Variants in SIMC1 observed in about 807,000 individuals in gnomAD.
SIMC1 encodes the protein SUMO-interacting motif-containing protein 1.
SIMC1 carries 55 observed loss-of-function variants against 82.3 expected under a neutral mutation model. The ratio of observed to expected loss-of-function variants is 0.67; its 90% CI spans 0.54 to 0.84. The LOEUF is 0.84. SIMC1 is among the 40% of genes least tolerant of loss of function. SIMC1 has a pLI of 0.00. For synonymous variants in SIMC1, 353 were observed against 426.3 expected, an observed-to-expected ratio of 0.83 and a Z score of 2.12; for missense variants, 915 against 1,107.2, an observed-to-expected ratio of 0.83 and a Z score of 2.46.
intron 9 of SIMC1, among the ~76,000 whole-genome samples, chr5:176,339,678 A>G (rs146260195): frequency 7.0e-4 from 106 of 152,298 alleles, no homozygotes; most frequent in Non-Finnish European, 7.2e-4. Flanking sequence ...ATTACAGAAT[A>G]TTTTTTATGT....
At chr5:176,293,370 A>G (rs1379032394) in intron 2 of SIMC1, among the ~76,000 whole-genome samples, 2 of 151,562 alleles carry the variant, frequency 1.3e-5, no homozygotes, top group Non-Finnish European at 2.9e-5. Context: ...GGGAGGCGGA[A>G]CTTGCAGTGT....
At chr5:176,339,096 G>T (rs1047978737) in intron 9 of SIMC1, among the ~76,000 whole-genome samples, 2 of 152,196 alleles carry the variant, frequency 1.3e-5, no homozygotes, top group Admixed American at 1.3e-4. Flanking sequence ...AGGCATGGTG[G>T]CTCACGCCTG....
At chr5:176,341,127 G>A (rs1766120466) in intron 9 of SIMC1, among the ~76,000 whole-genome samples, 1 of 152,144 alleles carries the variant, frequency 6.6e-6, no homozygotes, top group Non-Finnish European at 1.5e-5. Context: ...AGCCTGGGCA[G>A]CAGAGCAAGA....
chr5:176,255,566 A>C (rs917678134), intron 1 of SIMC1, among the ~76,000 whole-genome samples: 16 of 141,112 alleles, frequency 1.1e-4, no homozygotes, highest in African/African-American at 4.0e-4. Flanking sequence ...TGGGTGACAG[A>C]GTGAGACTGT....
At chr5:176,265,309 T>G (rs773224491) in intron 1 of SIMC1, among the ~76,000 whole-genome samples, 6 of 151,964 alleles carry the variant, frequency 3.9e-5, no homozygotes, top group Non-Finnish European at 7.4e-5. Flanking sequence ...TGACCGAAAC[T>G]AATTTGCCCT....
chr5:176,317,665 G>C (rs1266896150), intron 5 of SIMC1, among the ~76,000 whole-genome samples: 1 of 152,058 alleles, frequency 6.6e-6, no homozygotes, highest in Non-Finnish European at 1.5e-5. Context: ...GACTATGTGT[G>C]CTAGTCAGAA....
chr5:176,306,377 C>T (rs1764386638), intron 4 of SIMC1, among the ~76,000 whole-genome samples: 1 of 128,150 alleles, frequency 7.8e-6, no homozygotes. Context: ...AAGTGAGGAG[C>T]CCCTCTGCCC....
At chr5:176,259,977 G>A (rs538641246) in intron 1 of SIMC1, among the ~76,000 whole-genome samples, 276 of 148,822 alleles carry the variant, frequency 1.9e-3, no homozygotes, top group Middle Eastern at 7.1e-3. Flanking sequence ...TATATTATAG[G>A]CATTAAAATA....
intron 9 of SIMC1, among the ~76,000 whole-genome samples, chr5:176,342,452 A>G (rs1415621608): frequency 3.3e-5 from 5 of 152,308 alleles, no homozygotes; most frequent in African/African-American, 4.8e-5. Context: ...TAAGTATCAA[A>G]TGTAATTTTC....
intron 1 of SIMC1, among the ~76,000 whole-genome samples, chr5:176,282,091 G>A (rs1434127849): frequency 6.6e-6 from 1 of 152,382 alleles, no homozygotes; most frequent in East Asian, 1.9e-4. Context: ...CACCCAGTTG[G>A]AGCTTCCCGG....
chr5:176,329,091 A>T (rs1007010574), intron 7 of SIMC1, among the ~76,000 whole-genome samples: 8 of 152,172 alleles, frequency 5.3e-5, no homozygotes, highest in Admixed American at 5.2e-4. Flanking sequence ...ATTCAGTTCT[A>T]CCCATTCTCA....
At chr5:176,272,833 A>T (rs1226452047) in intron 1 of SIMC1, among the ~76,000 whole-genome samples, 1 of 152,218 alleles carries the variant, frequency 6.6e-6, no homozygotes, top group Non-Finnish European at 1.5e-5. Flanking sequence ...AGCCTCGTTC[A>T]TTGCTAGCAC....
chr5:176,265,667 T>C (rs1026691247), intron 1 of SIMC1, among the ~76,000 whole-genome samples: 7 of 152,268 alleles, frequency 4.6e-5, no homozygotes, highest in African/African-American at 1.7e-4. Context: ...GCCTTAGTAA[T>C]CTGTGTTTCT....
rs1166950880 is a variant in SIMC1, at chr5:176,261,441, T to A, written c.129+22804T>A. ...AAATGCTTTTTAAAATTTAAATTTT[T>A]GTTATAAAAGGTGTATGATGGCTGG... On this transcript the variant is annotated intron_variant, in intron 1 of 9. Coordinates refer to ENST00000429602, the MANE Select transcript of SIMC1 (RefSeq NM_001308195.2). Among the ~76,000 whole-genome samples, 6 of 152,316 alleles carry A rather than the reference T, an allele frequency of 3.9e-5. No homozygotes were observed. The South Asian group carries it at 6.2e-4, about 16-fold the overall frequency.
At chr5:176,296,643 T>TG (rs1427138195) in intron 4 of SIMC1, 1 of 291,144 alleles carries the variant, frequency 3.4e-6, no homozygotes, top group African/African-American at 2.2e-5. Context: ...TACTCCAGCC[T>TG]GGGTGACAGA....
At chr5:176,321,112 C>T (rs1188367117) in intron 5 of SIMC1, among the ~76,000 whole-genome samples, 1 of 152,140 alleles carries the variant, frequency 6.6e-6, no homozygotes, top group Non-Finnish European at 1.5e-5. Flanking sequence ...CATTTCTTTC[C>T]TTTCTATGTA....
intron 1 of SIMC1, among the ~76,000 whole-genome samples, chr5:176,259,036 A>G (rs1040542412): frequency 2.0e-5 from 3 of 151,904 alleles, no homozygotes; most frequent in African/African-American, 7.3e-5. Context: ...TTGTGCAGCC[A>G]TCACCACTAT....
intron 4 of SIMC1, among the ~76,000 whole-genome samples, chr5:176,299,793 C>T (rs1461941459): frequency 6.6e-6 from 1 of 152,196 alleles, no homozygotes; most frequent in Admixed American, 6.5e-5. Context: ...TAGACATACA[C>T]AGAACATTCC....
chr5:176,308,068 AGTGCAGGTG>A (rs924955141), intron 4 of SIMC1: 8 of 722,820 alleles, frequency 1.1e-5, no homozygotes, highest in Non-Finnish European at 1.5e-5. Context: ...CCAAGATGGC[AGTGCAGGTG>A]GTGCAGGCGG....
Sources: gnomAD v4.1 joint callset for allele counts (sites outside exome capture counted in the v4.1 genomes callset) on GRCh38, gnomAD v4.1.1 for gene constraint, MANE v1.5 for transcripts, NCBI Gene and HGNC (gene_info 2026-07-23, HGNC 2026-07-21) for gene names.